GRXCR2: variants seen among roughly 807,000 people sequenced by gnomAD.
GRXCR2 encodes the protein glutaredoxin and cysteine rich domain containing 2, also known as glutaredoxin domain-containing cysteine-rich protein 2.
GRXCR2 carries 23 observed loss-of-function variants against 24.8 expected under a neutral mutation model. The observed-to-expected ratio is 0.93, with a 90% confidence interval of 0.67 to 1.32. The LOEUF is 1.32. Ranked by LOEUF, GRXCR2 falls within the 40% of genes most tolerant of loss-of-function variation. The pLI is 0.00. For synonymous variants in GRXCR2, 130 were observed against 116.1 expected, an observed-to-expected ratio of 1.12 and a Z score of -0.77; for missense variants, 315 against 303.4, an observed-to-expected ratio of 1.04 and a Z score of -0.28.
At chr5:145,892,274 C>A (rs1756877765) in intron 2 of GRXCR2, among the ~76,000 whole-genome samples, 1 of 152,144 alleles carries the variant, frequency 6.6e-6, no homozygotes, top group African/African-American at 2.4e-5. Context: ...CAGAACAAAG[C>A]TAGATGGAGA....
intron 2 of GRXCR2, among the ~76,000 whole-genome samples, chr5:145,911,799 G>A (rs1757170753): frequency 6.6e-6 from 1 of 152,140 alleles, no homozygotes. Flanking sequence ...CTCTAAATAG[G>A]TTCATCTGAC....
chr5:145,859,938 T>C (rs763221945), intron 2 of GRXCR2, 23 bp from the exon 3 acceptor site: 7 of 1,532,518 alleles, frequency 4.6e-6, no homozygotes, highest in Non-Finnish European at 5.3e-6. Context: ...GGTTAGGGTT[T>C]AGTTAAAGCA....
chr5:145,883,730 G>A (rs1756738103), intron 2 of GRXCR2, among the ~76,000 whole-genome samples: 1 of 152,032 alleles, frequency 6.6e-6, no homozygotes, highest in South Asian at 2.1e-4. Flanking sequence ...CCATCTCTAT[G>A]CAAAATATAA....
chr5:145,887,547 A>G (rs531822922), intron 2 of GRXCR2, among the ~76,000 whole-genome samples: 9 of 152,234 alleles, frequency 5.9e-5, no homozygotes, highest in Admixed American at 3.3e-4. Context: ...ACATTCTCCA[A>G]TATGAAGAGC....
At chr5:145,915,439 T>C (rs1757222855) in intron 2 of GRXCR2, among the ~76,000 whole-genome samples, 1 of 152,102 alleles carries the variant, frequency 6.6e-6, no homozygotes, top group African/African-American at 2.4e-5. Context: ...TCTCCAACTT[T>C]CATGTGGTAG....
downstream of GRXCR2, among the ~76,000 whole-genome samples, chr5:145,858,153 A>G (rs1756268705): frequency 6.6e-6 from 1 of 152,078 alleles, no homozygotes; most frequent in African/African-American, 2.4e-5. Flanking sequence ...GTCTCTACTA[A>G]AAATACAAAA....
intron 2 of GRXCR2, among the ~76,000 whole-genome samples, chr5:145,929,459 A>G (rs62393699): frequency 0.19 from 28,492 of 151,920 alleles, 2,890 homozygotes; most frequent in Non-Finnish European, 0.23. Flanking sequence ...AAGACATTGC[A>G]AAAATGTTAC....
intron 2 of GRXCR2, among the ~76,000 whole-genome samples, chr5:145,893,061 A>C (rs1046614633): frequency 2.0e-5 from 3 of 152,146 alleles, no homozygotes; most frequent in Non-Finnish European, 4.4e-5. Flanking sequence ...GAAATAAAAT[A>C]CTTTACAGAC....
intron 2 of GRXCR2, among the ~76,000 whole-genome samples, chr5:145,926,581 G>T (rs372836728): frequency 6.6e-6 from 1 of 152,070 alleles, no homozygotes; most frequent in Non-Finnish European, 1.5e-5. Flanking sequence ...TGTTCCATTG[G>T]TCTATATCTC....
chr5:145,887,996 A>T (rs1384074101), intron 2 of GRXCR2, among the ~76,000 whole-genome samples: 2 of 152,268 alleles, frequency 1.3e-5, no homozygotes, highest in African/African-American at 4.8e-5. Flanking sequence ...GAGCAAGGGC[A>T]TTATATTGGT....
intron 2 of GRXCR2, among the ~76,000 whole-genome samples, chr5:145,913,841 A>T: frequency 1.3e-5 from 2 of 152,248 alleles, no homozygotes; most frequent in South Asian, 4.1e-4. Context: ...AATAATCTTT[A>T]AAAAAATAAA....
chr5:145,876,559 C>A (rs948407737), upstream of GRXCR2, among the ~76,000 whole-genome samples: 1 of 152,126 alleles, frequency 6.6e-6, no homozygotes, highest in Non-Finnish European at 1.5e-5. Context: ...TCTAGAAAAA[C>A]CAGTGAGCTG....
chr5:145,921,004 A>G (rs1757313493), intron 2 of GRXCR2, among the ~76,000 whole-genome samples: 1 of 152,246 alleles, frequency 6.6e-6, no homozygotes, highest in South Asian at 2.1e-4. Context: ...CTCCAGAACT[A>G]TGAGCAATAA....
intron 2 of GRXCR2, among the ~76,000 whole-genome samples, chr5:145,895,242 T>C (rs1038109011): frequency 6.6e-6 from 1 of 151,956 alleles, no homozygotes; most frequent in Admixed American, 6.6e-5. Flanking sequence ...GGATGCCCTC[T>C]CTCACCACTC....
At chr5:145,915,926 A>C (rs915222518) in intron 2 of GRXCR2, among the ~76,000 whole-genome samples, 1 of 152,166 alleles carries the variant, frequency 6.6e-6, no homozygotes. Context: ...GAATTAATGC[A>C]TGGTAAATAT....
chr5:145,874,291 C>A (rs1003615530), upstream of GRXCR2, among the ~76,000 whole-genome samples: 4 of 151,616 alleles, frequency 2.6e-5, no homozygotes, highest in African/African-American at 9.7e-5. Context: ...GCAACCTCCA[C>A]CTCCTGAGTT....
intron 2 of GRXCR2, among the ~76,000 whole-genome samples, chr5:145,909,362 G>T (rs1435940548): frequency 4.1e-5 from 2 of 49,028 alleles, no homozygotes; most frequent in African/African-American, 4.3e-4. Flanking sequence ...TTTGTATTTA[G>T]AAGGATTCGT....
At chr5:145,906,719 G>C (rs1581350301) in intron 2 of GRXCR2, among the ~76,000 whole-genome samples, 3 of 152,180 alleles carry the variant, frequency 2.0e-5, no homozygotes, top group East Asian at 1.9e-4. Flanking sequence ...GTGTCTGCCA[G>C]CTGCCAGCTA....
At chr5:145,897,232 C>T (rs78247984) in intron 2 of GRXCR2, among the ~76,000 whole-genome samples, 2 of 142,962 alleles carry the variant, frequency 1.4e-5, no homozygotes, top group African/African-American at 5.3e-5. Flanking sequence ...ACGTATGTAA[C>T]AAACCTGTTG....
Sources: allele counts gnomAD v4.1 joint callset (sites outside exome capture counted in the v4.1 genomes callset), GRCh38; gene constraint gnomAD v4.1.1; transcripts MANE v1.5; gene names NCBI Gene and HGNC (gene_info 2026-07-23, HGNC 2026-07-21).